HACD4: variants seen among roughly 807,000 people sequenced by gnomAD.
The protein encoded by HACD4 is 3-hydroxyacyl-CoA dehydratase 4, also known as very-long-chain (3R)-3-hydroxyacyl-CoA dehydratase 4.
A neutral mutation model predicts 33.3 loss-of-function variants in HACD4; 35 were observed. The ratio of observed to expected loss-of-function variants is 1.05; its 90% CI spans 0.80 to 1.39. The LOEUF is 1.39. Among genes scored for constraint, HACD4 ranks in the 40% most tolerant of loss-of-function variants. The probability of loss-of-function intolerance (pLI) is 0.00; values close to 1 mark genes in which losing one functional copy is unlikely to be tolerated. For synonymous variants in HACD4, 118 were observed against 98.0 expected, an observed-to-expected ratio of 1.20 and a Z score of -1.21; for missense variants, 323 against 276.5, an observed-to-expected ratio of 1.17 and a Z score of -1.19.
intron 3 of HACD4, among the ~76,000 whole-genome samples, chr9:21,022,425 C>G (rs1007081048): frequency 2.0e-5 from 3 of 152,258 alleles, no homozygotes; most frequent in Admixed American, 2.0e-4. Context: ...AAACTACCAT[C>G]AGAGTGAACA....
rs759047791 is a variant in HACD4 at position 21,002,918 on chromosome 9, G to A, written c.*4119C>T. 3 of 152,078 alleles carry A rather than the reference G, an allele frequency of 2.0e-5. No homozygotes were observed. Among genetic ancestry groups the A allele is most frequent in the Admixed American group, 6.5e-5 (1 of 15,268 alleles). 9.4% of individuals were successfully genotyped at this position (152,078 alleles called of 1,614,324 possible). ...CAACTTTGCGATTTTGGTAACATCC[G>A]ATTAACCAGATAGTTACTGTCTTGA... On this transcript the variant is annotated 3_prime_UTR_variant, in exon 7 of 7. Coordinates refer to ENST00000495827, the MANE Select transcript of HACD4 (RefSeq NM_001010915.5).
chr9:21,006,948 T>C lies in HACD4; in HGVS notation c.*89A>G. The C allele has an allele frequency of 1.2e-6, 1 of 805,432 alleles. No homozygotes were observed. The highest frequency in any genetic ancestry group is 1.8e-5 in the Admixed American group (1 of 55,996). 49.9% of individuals were successfully genotyped at this position (805,432 alleles called of 1,614,324 possible). A position where few individuals can be genotyped will look rare whatever the true frequency, so the allele number is the denominator to read the frequency against. On this transcript the variant is annotated 3_prime_UTR_variant, in exon 7 of 7. Transcript: ENST00000495827. The surrounding 1 kb of genome is among the most constrained non-coding windows in gnomAD (Gnocchi z 4.6). ...TAATGGATTTTTATCAAATACAAGGTATTTTTCCACCAGAATACTTCCTGT... is the reference window on the plus strand; with the variant it reads ...TAATGGATTTTTATCAAATACAAGGCATTTTTCCACCAGAATACTTCCTGT...
At chr9:21,031,508 C>A (rs921809471) in intron 1 of HACD4, 45 bp downstream of exon 1, 1 of 1,452,220 alleles carries the variant, frequency 6.9e-7, no homozygotes. Context: ...CCTCCAGGCC[C>A]TCCACCCGCG....
intron 4 of HACD4, among the ~76,000 whole-genome samples, chr9:21,014,756 T>C (rs566938369): frequency 1.3e-5 from 2 of 152,340 alleles, no homozygotes; most frequent in South Asian, 2.1e-4. Context: ...GGTTAAGTGA[T>C]TTGCCCAACA....
intron 1 of HACD4, 149 bp downstream of exon 1, chr9:21,031,404 A>T: frequency 1.6e-6 from 2 of 1,276,588 alleles, no homozygotes; most frequent in Middle Eastern, 3.0e-4. Context: ...AAATACCTGC[A>T]TGAGCTCCAA....
Position 21,031,455 on chromosome 9 carries a change from C to CG in HACD4, c.38+97dup, listed in dbSNP as rs1163349862. The CG allele has an allele frequency of 8.0e-5, 104 of 1,305,556 alleles. No homozygotes were observed. In the South Asian group the frequency reaches 1.6e-3, roughly 21 times the overall value. The allele number at this position is 1,305,556 out of a possible 1,614,324, so 80.9% of individuals were successfully genotyped here. A position where few individuals can be genotyped will look rare whatever the true frequency, so the allele number is the denominator to read the frequency against. The stretch of plus-strand genomic sequence containing the variant: ...GGTAGCGCTGCGCCTTGCTGGCGGG[C>CG]GGGGGGTGCCGCCCGCCCGCCCGCC... On this transcript the variant is annotated intron_variant, in intron 1 of 6. Transcript: ENST00000495827.
chr9:21,004,576 C>T lies in HACD4; in HGVS notation c.*2461G>A, dbSNP rs1029641891. On this transcript the variant is annotated 3_prime_UTR_variant, in exon 7 of 7. Transcript: ENST00000495827. The surrounding 1 kb of genome is among the most constrained non-coding windows in gnomAD (Gnocchi z 4.6). The stretch of plus-strand genomic sequence containing the variant: ...AGCAAGAAGGCATTCATCTGCAAAC[C>T]ATGAAGAAGAATCAGCTAGCACCTT... 1.5e-4 allele frequency: 23 copies of T among 152,268 alleles called. No homozygotes were observed. The highest frequency in any genetic ancestry group is 1.6e-4 in the Non-Finnish European group (11 of 68,128). 9.4% of individuals were successfully genotyped at this position (152,268 alleles called of 1,614,324 possible).
rs1842145449 is a variant in HACD4 at position 21,000,154 on chromosome 9, C to A, written c.*6883G>T. Reference sequence around the variant, plus strand: ...CCTACATGTATGTGATGAATTAAGGCATACTTTTACTAATTGACTTTCATA... The same window carrying A: ...CCTACATGTATGTGATGAATTAAGGAATACTTTTACTAATTGACTTTCATA... On this transcript the variant is annotated 3_prime_UTR_variant, in exon 7 of 7. Coordinates refer to ENST00000495827, the MANE Select transcript of HACD4 (RefSeq NM_001010915.5). The A allele has an allele frequency of 6.6e-6, 1 of 152,122 alleles. No homozygotes were observed. The highest frequency in any genetic ancestry group is 2.1e-4 in the South Asian group (1 of 4,836). 9.4% of individuals were successfully genotyped at this position (152,122 alleles called of 1,614,324 possible). A position where few individuals can be genotyped will look rare whatever the true frequency, so the allele number is the denominator to read the frequency against.
At chr9:21,023,992 G>A (rs1193380622) in intron 3 of HACD4, among the ~76,000 whole-genome samples, 2 of 152,116 alleles carry the variant, frequency 1.3e-5, no homozygotes, top group African/African-American at 4.8e-5. Flanking sequence ...TTTAAAAATG[G>A]GGAAACAGGA....
At position 21,026,584 on chromosome 9, in the gene HACD4, AT is replaced by A; in HGVS notation, c.270+11del. 1 of 1,604,168 alleles carries A rather than the reference AT, an allele frequency of 6.2e-7. No individual in the cohort carries two copies. Among genetic ancestry groups the A allele is most frequent in the Non-Finnish European group, 8.5e-7 (1 of 1,173,938 alleles). On this transcript the variant is annotated intron_variant, in intron 3 of 6. Transcript: ENST00000495827. ...GAAACAGATTCTATAATAATATGTG[AT>A]TCAAACCTACCTGCAAAAACCTTGG...
At chr9:21,024,965 A>C (rs1441563752) in intron 3 of HACD4, among the ~76,000 whole-genome samples, 2 of 152,170 alleles carry the variant, frequency 1.3e-5, no homozygotes, top group African/African-American at 4.8e-5. Flanking sequence ...CTGGTACTAC[A>C]TGTATTTTGG....
Position 21,005,567 on chromosome 9 carries a change from A to G in HACD4, c.*1470T>C, listed in dbSNP as rs911083528. The G allele has an allele frequency of 6.6e-6, 1 of 152,228 alleles. No homozygotes were observed. The highest frequency in any genetic ancestry group is 2.4e-5 in the African/African-American group (1 of 41,458). 9.4% of individuals were successfully genotyped at this position (152,228 alleles called of 1,614,324 possible). A position where few individuals can be genotyped will look rare whatever the true frequency, so the allele number is the denominator to read the frequency against. On this transcript the variant is annotated 3_prime_UTR_variant, in exon 7 of 7. Transcript: ENST00000495827. The surrounding 1 kb of genome is among the most constrained non-coding windows in gnomAD (Gnocchi z 4.0). ...AGCTATTCAGCTGTGAATGTACACTATTCTTCAAGAAAAGGAGAAACTGAC... is the reference window on the plus strand; with the variant it reads ...AGCTATTCAGCTGTGAATGTACACTGTTCTTCAAGAAAAGGAGAAACTGAC...
chr9:21,024,253 T>G (rs1200404066), intron 3 of HACD4, among the ~76,000 whole-genome samples: 2 of 152,144 alleles, frequency 1.3e-5, no homozygotes, highest in Non-Finnish European at 2.9e-5. Flanking sequence ...TTAAAAGAGA[T>G]AAAAAGAGGA....
intron 3 of HACD4, among the ~76,000 whole-genome samples, chr9:21,016,647 TG>T (rs11353500): frequency 0.095 from 14,416 of 151,938 alleles, 993 homozygotes; most frequent in East Asian, 0.26. Context: ...TGTGAACCAC[TG>T]GGGGGCTAGA....
chr9:21,026,493 G>A (rs1818063087), intron 3 of HACD4, 103 bp downstream of exon 3: 1 of 906,816 alleles, frequency 1.1e-6, no homozygotes, highest in Non-Finnish European at 1.7e-6. Context: ...AGTGACCTAA[G>A]ACAAGGGTTG....
chr9:21,021,352 C>G (rs1235880899), intron 3 of HACD4, among the ~76,000 whole-genome samples: 1 of 152,138 alleles, frequency 6.6e-6, no homozygotes, highest in Non-Finnish European at 1.5e-5. Context: ...CACTCCTATT[C>G]AACATAATGT....
intron 5 of HACD4, among the ~76,000 whole-genome samples, chr9:21,010,448 A>C: frequency 1.8e-5 from 1 of 56,124 alleles, no homozygotes; most frequent in African/African-American, 6.1e-5. Context: ...AGACTCAGAC[A>C]TCCTGGTACC....
chr9:21,008,906 A>G (rs1310793860), intron 5 of HACD4, among the ~76,000 whole-genome samples: 1 of 152,096 alleles, frequency 6.6e-6, no homozygotes, highest in Non-Finnish European at 1.5e-5. Flanking sequence ...CCCTACATAA[A>G]AAGTTTTTAA....
intron 3 of HACD4, among the ~76,000 whole-genome samples, chr9:21,024,664 T>G (rs925923337): frequency 6.6e-6 from 1 of 152,224 alleles, no homozygotes; most frequent in Non-Finnish European, 1.5e-5. Context: ...TTCAAGGTGC[T>G]CAGTGAGTTT....
Sources: gnomAD v4.1 joint callset for allele counts (sites outside exome capture counted in the v4.1 genomes callset) on GRCh38, gnomAD v4.1.1 for gene constraint, Gnocchi (gnomAD v3.1) non-coding constraint, MANE v1.5 for transcripts, NCBI Gene and HGNC (gene_info 2026-07-23, HGNC 2026-07-21) for gene names.